The following NAA11 variants were observed in gnomAD, a reference collection of about 807,000 sequenced individuals.
NAA11 encodes the protein N-alpha-acetyltransferase 11, NatA catalytic subunit, also known as N-alpha-acetyltransferase 11.
In NAA11, 15 loss-of-function variants were observed where a neutral mutation model predicts 16.1. That is an observed-to-expected ratio of 0.93 (90% CI 0.62 to 1.44). The LOEUF (loss-of-function observed/expected upper bound fraction) is 1.44, where lower values mean the gene tolerates loss of function less well. NAA11 is among the 40% of genes most tolerant of loss of function. The probability of loss-of-function intolerance (pLI) is 0.00; values close to 1 mark genes in which losing one functional copy is unlikely to be tolerated. For missense variants in NAA11, 298 were observed against 291.3 expected (o/e 1.02, Z -0.17); for synonymous variants, 122 against 112.4 (o/e 1.09, Z -0.54).
the NAA11 span, among the ~76,000 whole-genome samples, chr4:79,186,144 GA>G: frequency 6.6e-6 from 1 of 152,106 alleles, no homozygotes; most frequent in African/African-American, 2.4e-5. Flanking sequence ...ACATTGTGCT[GA>G]AAATGCTACA....
chr4:79,277,264 G>A (rs564930522), intron 2 of NAA11, among the ~76,000 whole-genome samples: 4 of 152,084 alleles, frequency 2.6e-5, no homozygotes, highest in Admixed American at 1.3e-4. Flanking sequence ...TATTTCCCTC[G>A]CAGCCGTTAT....
intron 2 of NAA11, among the ~76,000 whole-genome samples, chr4:79,241,540 C>G (rs1221721924): frequency 1.3e-5 from 2 of 152,156 alleles, no homozygotes; most frequent in Non-Finnish European, 2.9e-5. Flanking sequence ...CTAATATTTG[C>G]ATATATTAAC....
intron 2 of NAA11, among the ~76,000 whole-genome samples, chr4:79,229,626 T>C (rs550566352): frequency 6.6e-6 from 1 of 151,950 alleles, no homozygotes; most frequent in African/African-American, 2.4e-5. Flanking sequence ...CAGTGATCCA[T>C]TGGTCTGTAT....
At chr4:79,175,582 T>A in the NAA11 span, among the ~76,000 whole-genome samples, 1,059 of 152,076 alleles carry the variant, frequency 7.0e-3, 8 homozygotes, top group Middle Eastern at 0.037. Context: ...TAACAGGCTG[T>A]TCCTATCCTT....
intron 1 of NAA11, among the ~76,000 whole-genome samples, chr4:79,296,490 C>T (rs1723226385): frequency 6.6e-6 from 1 of 152,190 alleles, no homozygotes; most frequent in Non-Finnish European, 1.5e-5. Flanking sequence ...GAATGTACCT[C>T]CCTTTATTTC....
At chr4:79,208,863 TA>T in the NAA11 span, among the ~76,000 whole-genome samples, 9 of 109,142 alleles carry the variant, frequency 8.2e-5, no homozygotes, top group African/African-American at 3.3e-4. Context: ...TAAATTAAAA[TA>T]AATTCCCCCA....
chr4:79,187,347 C>T, the NAA11 span, among the ~76,000 whole-genome samples: 1 of 152,074 alleles, frequency 6.6e-6, no homozygotes, highest in Admixed American at 6.5e-5. Flanking sequence ...CCACTGCTGC[C>T]CAGGGCTGGA....
chr4:79,202,524 A>ACACACG, the NAA11 span, among the ~76,000 whole-genome samples: 1 of 142,506 alleles, frequency 7.0e-6, no homozygotes, highest in Non-Finnish European at 1.5e-5. Context: ...ACTTTTATAC[A>ACACACG]CACACACACA....
At chr4:79,321,674 C>G (rs1724092353) in intron 1 of NAA11, among the ~76,000 whole-genome samples, 1 of 152,156 alleles carries the variant, frequency 6.6e-6, no homozygotes, top group African/African-American at 2.4e-5. Context: ...GAGACTTTGT[C>G]ACCAATAAAA....
At chr4:79,214,457 C>T in the NAA11 span, among the ~76,000 whole-genome samples, 1 of 152,106 alleles carries the variant, frequency 6.6e-6, no homozygotes, top group East Asian at 1.9e-4. Context: ...GTGGTCCCCC[C>T]TCATGACTAG....
At chr4:79,214,009 T>G in the NAA11 span, among the ~76,000 whole-genome samples, 2 of 152,198 alleles carry the variant, frequency 1.3e-5, no homozygotes, top group African/African-American at 4.8e-5. Context: ...AATTTTGCAT[T>G]CTGGTTGGTA....
intron 2 of NAA11, among the ~76,000 whole-genome samples, chr4:79,255,759 A>C (rs1003805135): frequency 2.6e-5 from 4 of 152,190 alleles, no homozygotes; most frequent in African/African-American, 9.7e-5. Context: ...TATTGAAGAG[A>C]CGTTGTTACA....
chr4:79,308,727 T>C (rs1409657125), intron 1 of NAA11: 2 of 152,176 alleles, frequency 1.3e-5, no homozygotes, highest in African/African-American at 4.8e-5. Flanking sequence ...TCAGATTTGG[T>C]TTATGTGTAA....
chr4:79,245,787 G>T (rs71585949), intron 2 of NAA11, among the ~76,000 whole-genome samples: 1 of 143,096 alleles, frequency 7.0e-6, no homozygotes, highest in East Asian at 2.2e-4. Context: ...CCGCCCAGCC[G>T]CCCGTCTGGG....
chr4:79,270,013 T>C (rs1722454466), intron 2 of NAA11, among the ~76,000 whole-genome samples: 1 of 151,654 alleles, frequency 6.6e-6, no homozygotes. Context: ...CAGACAGTTG[T>C]AGGTATGCGG....
chr4:79,188,507 G>A, the NAA11 span, among the ~76,000 whole-genome samples: 1 of 151,422 alleles, frequency 6.6e-6, no homozygotes, highest in Non-Finnish European at 1.5e-5. Context: ...ATGGCGTGAA[G>A]CTGAGGGGCG....
At chr4:79,165,665 G>T in the NAA11 span, among the ~76,000 whole-genome samples, 1 of 152,202 alleles carries the variant, frequency 6.6e-6, no homozygotes, top group Non-Finnish European at 1.5e-5. Context: ...AAAACTGGGA[G>T]ACATCTACAA....
Position 79,325,943 on chromosome 4 carries a change from G to A in NAA11, c.-66C>T, listed in dbSNP as rs1258614419. 3 of 1,435,864 alleles carry A rather than the reference G, an allele frequency of 2.1e-6. No homozygotes were observed. The highest frequency in any genetic ancestry group is 2.7e-5 in the South Asian group (2 of 74,226). 88.9% of individuals were successfully genotyped at this position (1,435,864 alleles called of 1,614,324 possible). On this transcript the variant is annotated 5_prime_UTR_variant, in exon 1 of 2. Transcript: ENST00000286794. ...CAGAAGAGGCTGTCGCCGACCTTAA[G>A]GGGCACTGTTTGCCTCAGGAATCGA...
At chr4:79,255,331 T>C (rs901834196) in intron 2 of NAA11, among the ~76,000 whole-genome samples, 4 of 146,854 alleles carry the variant, frequency 2.7e-5, no homozygotes, top group Non-Finnish European at 1.5e-5. Context: ...TTTTTTAAAC[T>C]CTTCTTTACT....
Sources: gnomAD v4.1 joint callset for allele counts (sites outside exome capture counted in the v4.1 genomes callset) on GRCh38, gnomAD v4.1.1 for gene constraint, MANE v1.5 for transcripts, NCBI Gene and HGNC (gene_info 2026-07-23, HGNC 2026-07-21) for gene names.